Variants in DDX24 observed in about 807,000 individuals in gnomAD.
The protein encoded by DDX24 is ATP-dependent RNA helicase DDX24.
Under a neutral mutation model 68.9 loss-of-function variants are expected in DDX24, and 24 were observed. The observed-to-expected ratio is 0.35, with a 90% CI of 0.25 to 0.49. The LOEUF (loss-of-function observed/expected upper bound fraction) is 0.49. DDX24 is among the 20% of genes least tolerant of loss of function. The pLI is 0.99. For synonymous variants in DDX24, 395 were observed against 385.2 expected, an observed-to-expected ratio of 1.03 and a Z score of -0.30; for missense variants, 989 against 1,039.0, an observed-to-expected ratio of 0.95 and a Z score of 0.66.
At chr14:94,053,195 T>C (rs1242345173) in intron 7 of DDX24, 68 bp from the exon 8 acceptor site, 9 of 1,604,254 alleles carry the variant, frequency 5.6e-6, no homozygotes, top group East Asian at 2.2e-5. Context: ...AAAGTCTCAC[T>C]TGAGTTGTGT....
chr14:94,049,970 G>A lies in DDX24; in HGVS notation c.*1221C>T, dbSNP rs1397082811. 2.6e-5 allele frequency: 4 copies of A among 152,222 alleles called. No homozygotes were observed. Among genetic ancestry groups the A allele is most frequent in the African/African-American group, 9.6e-5 (4 of 41,452 alleles). The allele number at this position is 152,222 out of a possible 1,614,324, so 9.4% of individuals were successfully genotyped here. A position where few individuals can be genotyped will look rare whatever the true frequency, so the allele number is the denominator to read the frequency against. Reference sequence around the variant, plus strand: ...AGATAAAAGTGCCAACCATGAGGCTGAGAGAGGCTAGCTACTTAGATCTTG... The same window carrying A: ...AGATAAAAGTGCCAACCATGAGGCTAAGAGAGGCTAGCTACTTAGATCTTG... On this transcript the variant is annotated 3_prime_UTR_variant, in exon 9 of 9. Coordinates refer to ENST00000621632, the MANE Select transcript of DDX24 (RefSeq NM_020414.4).
In DDX24 at chr14:94,062,192, T is replaced by C; in HGVS notation, c.1148A>G (p.Tyr383Cys). The C allele has an allele frequency of 6.2e-7, 1 of 1,614,116 alleles. No homozygotes were observed. Among genetic ancestry groups the C allele is most frequent in the Non-Finnish European group, 8.5e-7 (1 of 1,180,010 alleles). The change falls in exon 3 of 9, where the codon TAT becomes TGT. Residue 383 changes from tyrosine to cysteine, a missense_variant. By Grantham distance (194) the Tyr-to-Cys change is radical (BLOSUM62 -2). Coordinates refer to ENST00000621632, the MANE Select transcript of DDX24 (RefSeq NM_020414.4). ...LDDKSATCKAYPKRPLLGLVL... is the reference protein window; with the variant it reads ...LDDKSATCKACPKRPLLGLVL... The stretch of plus-strand genomic sequence containing the variant: ...CAGTCCAAGCAGAGGACGCTTTGGA[T>C]ATGCCTTACAGGTGGCGCTTTTGTC...
chr14:94,066,081 T>C (rs956051525), intron 2 of DDX24, among the ~76,000 whole-genome samples: 2 of 152,164 alleles, frequency 1.3e-5, no homozygotes, highest in Non-Finnish European at 2.9e-5. Flanking sequence ...CCCTTTTCTT[T>C]CAGAGCTGGG....
chr14:94,051,346 A>G lies in DDX24; in HGVS notation c.2425T>C (p.Tyr809His), dbSNP rs761137194. 6.2e-6 allele frequency: 10 copies of G among 1,613,258 alleles called. No individual in the cohort carries two copies. Among genetic ancestry groups the G allele is most frequent in the South Asian group, 1.1e-5 (1 of 90,980 alleles). The change falls in exon 9 of 9, where the codon TAT becomes CAT. Residue 809 changes from tyrosine (Y) to histidine (H), a missense_variant. By Grantham distance (83) the Tyr-to-His change is moderately conservative (BLOSUM62 2). Coordinates refer to ENST00000621632, the MANE Select transcript of DDX24 (RefSeq NM_020414.4). The part of the protein sequence containing the change: ...PLFTESQKTK[Y>H]PTQSGKPPLL... Reference sequence around the variant, plus strand: ...GGCGGCTTGCCAGACTGAGTGGGATACTTGGTTTTCTGGCTCTCCGTAAAC... The same window carrying G: ...GGCGGCTTGCCAGACTGAGTGGGATGCTTGGTTTTCTGGCTCTCCGTAAAC...
In DDX24 at chr14:94,079,525, G is replaced by A; in HGVS notation, c.218C>T (p.Ala73Val). The A allele has an allele frequency of 6.2e-7, 1 of 1,614,076 alleles. No individual in the cohort carries two copies. The highest frequency in any genetic ancestry group is 1.1e-5 in the South Asian group (1 of 91,070). The change falls in exon 2 of 9, where the codon GCA becomes GTA. Residue 73 changes from alanine to valine, a missense_variant. By Grantham distance (64) the Ala-to-Val change is moderately conservative. Around this residue, in one of 3 missense-constraint regions of DDX24, gnomAD observed 295 missense variants for 263.0 expected, o/e 1.12. Transcript: ENST00000621632. ...AACAGCTTGTGCCTTTCTCTTGGGT[G>A]CTTCCTTTGAGAAGAGACTGGAGGG... ...KNPSSLFSKEAPKRKAQAVSE... is the reference protein window; with the variant it reads ...KNPSSLFSKEVPKRKAQAVSE...
At chr14:94,061,123 A>G (rs1001393722) in intron 3 of DDX24, 57 bp from the exon 4 acceptor site, 5 of 1,594,014 alleles carry the variant, frequency 3.1e-6, no homozygotes, top group Non-Finnish European at 4.3e-6. Flanking sequence ...ATTTTCTTAC[A>G]TGGCTGACAC....
In DDX24 at chr14:94,076,939, C is replaced by T. The variant is rs969393090; in HGVS notation, c.718+2086G>A. Among the ~76,000 whole-genome samples the T allele has an allele frequency of 5.3e-5, 8 of 152,318 alleles. No homozygotes were observed. In the East Asian group the frequency reaches 1.3e-3, roughly 26 times the overall value. ...GCAAGACCAACCCCTCCTCTTTCTA[C>T]TCAGCCTACTGAAAGTCAAGATGAA... is the stretch of plus-strand genomic sequence containing the variant. On this transcript the variant is annotated intron_variant, in intron 2 of 8. Transcript: ENST00000621632.
At position 94,079,391 on chromosome 14, in the gene DDX24, A is replaced by T; in HGVS notation, c.352T>A (p.Phe118Ile). 6.2e-7 allele frequency: 1 copy of T among 1,613,772 alleles called. No homozygotes were observed. Among genetic ancestry groups the T allele is most frequent in the Non-Finnish European group, 8.5e-7 (1 of 1,179,982 alleles). ...TCCAGCTCAGGATCTTTCACTTCAA[A>T]TTCTTTCTGGGTACTGGTTCCTTCA... ...ATEGTSTQKE[F>I]EVKDPELEAQ... The change falls in exon 2 of 9, where the codon TTT becomes ATT. Residue 118 changes from phenylalanine (F) to isoleucine (I), a missense_variant. Phe to Ile is a conservative substitution (Grantham distance 21). This residue lies in a region of DDX24 where 295 missense variants were observed against 263.0 expected (regional missense o/e 1.12). Transcript: ENST00000621632.
intron 2 of DDX24, among the ~76,000 whole-genome samples, chr14:94,069,756 A>G (rs1311744257): frequency 6.6e-6 from 1 of 152,246 alleles, no homozygotes; most frequent in African/African-American, 2.4e-5. Context: ...GTTAAAAACC[A>G]AAATCACATG....
In DDX24 at chr14:94,079,305, G is replaced by T. The variant is rs576058598; in HGVS notation, c.438C>A (p.Asn146Lys). ...DPEAGEMTSENLVQTAPKKKK... is the reference protein window; with the variant it reads ...DPEAGEMTSEKLVQTAPKKKK... ...TCTTTTTTGGAGCAGTTTGGACCAG[G>T]TTTTCTGATGTCATCTCCCCAGCCT... is the stretch of plus-strand genomic sequence containing the variant. The change falls in exon 2 of 9, where the codon AAC becomes AAA. Residue 146 changes from asparagine (N) to lysine (K), a missense_variant. Physicochemically the swap from Asn to Lys is moderately conservative, Grantham distance 94 (BLOSUM62 0). Coordinates refer to ENST00000621632, the MANE Select transcript of DDX24 (RefSeq NM_020414.4). The T allele has an allele frequency of 2.3e-5, 37 of 1,614,022 alleles. No individual in the cohort carries two copies. The African/African-American group carries it at 4.4e-4, about 19-fold the overall frequency.
chr14:94,056,295 C>T (rs1318218365), intron 6 of DDX24: 1 of 152,172 alleles, frequency 6.6e-6, no homozygotes, highest in Non-Finnish European at 1.5e-5. Context: ...GCTGATAGCC[C>T]CCCAGGTAGT....
intron 6 of DDX24, 59 bp downstream of exon 6, chr14:94,057,763 G>A: frequency 6.5e-7 from 1 of 1,538,678 alleles, no homozygotes; most frequent in Non-Finnish European, 8.9e-7. Context: ...CCCAACCTTT[G>A]CCTTAAAAAT....
At chr14:94,068,471 C>T (rs1885753263) in intron 2 of DDX24, among the ~76,000 whole-genome samples, 1 of 152,094 alleles carries the variant, frequency 6.6e-6, no homozygotes, top group Non-Finnish European at 1.5e-5. Context: ...AGAAAGTCAA[C>T]AAGGAAACAA....
intron 5 of DDX24, 119 bp downstream of exon 5, chr14:94,059,979 C>A (rs986637720): frequency 2.1e-5 from 25 of 1,176,190 alleles, no homozygotes; most frequent in Non-Finnish European, 2.8e-5. Context: ...AGGCTACCTA[C>A]TACTGAGACA....
At chr14:94,068,129 T>A (rs937193978) in intron 2 of DDX24, among the ~76,000 whole-genome samples, 2 of 152,044 alleles carry the variant, frequency 1.3e-5, no homozygotes, top group African/African-American at 4.8e-5. Context: ...ATCTAACACA[T>A]AAGGACTCAC....
intron 1 of DDX24, among the ~76,000 whole-genome samples, chr14:94,080,474 C>T (rs929729824): frequency 6.6e-6 from 1 of 152,086 alleles, no homozygotes; most frequent in Non-Finnish European, 1.5e-5. Flanking sequence ...GGTTCAAATC[C>T]AGATCCACCA....
rs117351280 is a variant in DDX24 at position 94,066,377 on chromosome 14, C to T, written c.719-3756G>A. Among the ~76,000 whole-genome samples, 463 of 152,274 alleles carry T rather than the reference C, an allele frequency of 3.0e-3. 1 individual carries two copies. Among genetic ancestry groups the T allele is most frequent in the Non-Finnish European group, 4.9e-3 (332 of 68,018 alleles). ...GAGAGTCAGAGCAGGCGTAGACCTGCCCCCACATGATGGTCCTTCCCTATC... is the reference window on the plus strand; with the variant it reads ...GAGAGTCAGAGCAGGCGTAGACCTGTCCCCACATGATGGTCCTTCCCTATC... On this transcript the variant is annotated intron_variant, in intron 2 of 8. Coordinates refer to ENST00000621632, the MANE Select transcript of DDX24 (RefSeq NM_020414.4).
Position 94,060,249 on chromosome 14 carries a change from C to A in DDX24, c.1762G>T (p.Gly588Cys). 1.2e-6 allele frequency: 2 copies of A among 1,614,176 alleles called. No individual in the cohort carries two copies. Among genetic ancestry groups the A allele is most frequent in the Non-Finnish European group, 1.7e-6 (2 of 1,180,032 alleles). The change falls in exon 5 of 9, where the codon GGC becomes TGC. Residue 588 changes from glycine (G) to cysteine (C), a missense_variant. By Grantham distance (159) the Gly-to-Cys change is radical. Coordinates refer to ENST00000621632, the MANE Select transcript of DDX24 (RefSeq NM_020414.4). ...YLYYFLMQYPGRSLVFANSIS... is the reference protein window; with the variant it reads ...YLYYFLMQYPCRSLVFANSIS... ...CTGTTGGCAAACACTAAGCTGCGGC[C>A]TGGATACTGCATCAGGAAGTAGTAC...
intron 2 of DDX24, among the ~76,000 whole-genome samples, chr14:94,066,355 A>C (rs1885704682): frequency 6.6e-6 from 1 of 152,124 alleles, no homozygotes; most frequent in African/African-American, 2.4e-5. Context: ...ACCCAAGGAG[A>C]GTCAGAGCAG....
Sources: gnomAD v4.1 joint callset for allele counts (sites outside exome capture counted in the v4.1 genomes callset) on GRCh38, gnomAD v4.1.1 for gene constraint, gnomAD v4.1.1 regional missense constraint, MANE v1.5 for transcripts, NCBI Gene and HGNC (gene_info 2026-07-23, HGNC 2026-07-21) for gene names.